Variants in UBE2E2 observed in about 807,000 individuals in gnomAD.
UBE2E2 encodes the protein ubiquitin conjugating enzyme E2 E2.
A neutral mutation model predicts 24.7 loss-of-function variants in UBE2E2; 6 were observed. That is an observed-to-expected ratio of 0.24 (90% CI 0.13 to 0.48). UBE2E2 has a LOEUF of 0.48. Among genes scored for constraint, UBE2E2 ranks in the 20% least tolerant of loss-of-function variants. The pLI, the probability that UBE2E2 is intolerant of heterozygous loss-of-function variation, is 0.99. For synonymous variants in UBE2E2, 104 were observed against 83.6 expected, an observed-to-expected ratio of 1.24 and a Z score of -1.33; for missense variants, 169 against 245.0, an observed-to-expected ratio of 0.69 and a Z score of 2.07.
intron 3 of UBE2E2, among the ~76,000 whole-genome samples, chr3:23,233,867 A>T (rs1697031723): frequency 6.6e-6 from 1 of 152,200 alleles, no homozygotes. Flanking sequence ...CACAGATGGT[A>T]TTTTGAATAT....
intron 3 of UBE2E2, among the ~76,000 whole-genome samples, chr3:23,283,472 C>T (rs1487587617): frequency 1.3e-5 from 2 of 152,080 alleles, no homozygotes; most frequent in Middle Eastern, 3.2e-3. Context: ...CAGTGGTTCA[C>T]GCCTGTAATC....
Position 23,512,108 on chromosome 3 carries a change from C to T in UBE2E2, c.360+12368C>T, listed in dbSNP as rs557395039. On this transcript the variant is annotated intron_variant, in intron 4 of 5. Transcript: ENST00000396703. Reference sequence around the variant, plus strand: ...AGTCCTGCAGCCCCTACTCTTCACACCTGAACCAACTGAGCTATGAAGTGA... The same window carrying T: ...AGTCCTGCAGCCCCTACTCTTCACATCTGAACCAACTGAGCTATGAAGTGA... Among the ~76,000 whole-genome samples the T allele has an allele frequency of 7.2e-5, 11 of 152,192 alleles. No homozygotes were observed. The East Asian group carries it at 7.7e-4, about 11-fold the overall frequency.
chr3:23,376,767 A>G (rs1056924752), intron 3 of UBE2E2, among the ~76,000 whole-genome samples: 3 of 152,208 alleles, frequency 2.0e-5, no homozygotes, highest in Non-Finnish European at 4.4e-5. Flanking sequence ...GAGAACATGT[A>G]GCTTGCCACA....
chr3:23,563,962 T>C (rs1695997576), intron 5 of UBE2E2, among the ~76,000 whole-genome samples: 1 of 110,022 alleles, frequency 9.1e-6, no homozygotes, highest in Non-Finnish European at 1.9e-5. Flanking sequence ...GATTTAAGCT[T>C]CCAAAAACAA....
At chr3:23,292,585 C>T (rs189764203) in intron 3 of UBE2E2, among the ~76,000 whole-genome samples, 1 of 152,274 alleles carries the variant, frequency 6.6e-6, no homozygotes, top group Non-Finnish European at 1.5e-5. Context: ...CAACAATTCT[C>T]AGTACTTCAT....
chr3:23,483,010 T>C (rs1699288966), intron 3 of UBE2E2, among the ~76,000 whole-genome samples: 2 of 152,230 alleles, frequency 1.3e-5, no homozygotes, highest in African/African-American at 4.8e-5. Context: ...ATAATAACTC[T>C]AATCTGTACT....
intron 3 of UBE2E2, among the ~76,000 whole-genome samples, chr3:23,355,282 T>C (rs2125325452): frequency 6.6e-6 from 1 of 151,954 alleles, no homozygotes; most frequent in Non-Finnish European, 1.5e-5. Context: ...TAATGCTACA[T>C]GACGAGTTAA....
chr3:23,561,747 T>A (rs1354350610), intron 5 of UBE2E2, among the ~76,000 whole-genome samples: 2 of 152,312 alleles, frequency 1.3e-5, no homozygotes, highest in East Asian at 3.9e-4. Context: ...TTTTATTTCA[T>A]TGAGCAGTGG....
chr3:23,293,294 C>T (rs193201893), intron 3 of UBE2E2, among the ~76,000 whole-genome samples: 5 of 152,326 alleles, frequency 3.3e-5, no homozygotes, highest in East Asian at 1.9e-4. Flanking sequence ...GTGATTCTTA[C>T]ATTTAATACA....
intron 3 of UBE2E2, among the ~76,000 whole-genome samples, chr3:23,492,698 A>G (rs575222377): frequency 1.1e-3 from 170 of 152,266 alleles, no homozygotes; most frequent in African/African-American, 4.0e-3. Context: ...AGACTTAACA[A>G]TATACATAGC....
At chr3:23,546,812 T>C (rs1369257117) in intron 5 of UBE2E2, among the ~76,000 whole-genome samples, 2 of 152,106 alleles carry the variant, frequency 1.3e-5, no homozygotes, top group Admixed American at 1.3e-4. Context: ...AAATTATCTT[T>C]TAATGAAGAT....
At chr3:23,555,681 T>C (rs929493610) in intron 5 of UBE2E2, among the ~76,000 whole-genome samples, 1 of 152,138 alleles carries the variant, frequency 6.6e-6, no homozygotes, top group Admixed American at 6.6e-5. Flanking sequence ...CACACGCACA[T>C]ACACAGAGCA....
chr3:23,542,753 C>T (rs2125493251), intron 5 of UBE2E2, among the ~76,000 whole-genome samples: 1 of 152,058 alleles, frequency 6.6e-6, no homozygotes, highest in East Asian at 1.9e-4. Context: ...TTATTTGAGG[C>T]TCTTTGCTCT....
At chr3:23,285,563 C>T (rs925080153) in intron 3 of UBE2E2, among the ~76,000 whole-genome samples, 1 of 152,158 alleles carries the variant, frequency 6.6e-6, no homozygotes, top group African/African-American at 2.4e-5. Context: ...GGATAAAAGT[C>T]ATTTTAACTG....
At chr3:23,240,187 C>T (rs1575495417) in intron 3 of UBE2E2, among the ~76,000 whole-genome samples, 1 of 152,318 alleles carries the variant, frequency 6.6e-6, no homozygotes, top group Non-Finnish European at 1.5e-5. Context: ...GGTAACTACG[C>T]TTTCTCATTT....
At chr3:23,249,653 AT>A (rs201067293) in intron 3 of UBE2E2, among the ~76,000 whole-genome samples, 37 of 148,570 alleles carry the variant, frequency 2.5e-4, no homozygotes, top group Admixed American at 2.7e-4. Context: ...ATTAACTCAG[AT>A]TTTTTTTTTT....
intron 3 of UBE2E2, among the ~76,000 whole-genome samples, chr3:23,469,375 A>T (rs1007952752): frequency 2.6e-5 from 4 of 152,196 alleles, no homozygotes; most frequent in Non-Finnish European, 4.4e-5. Flanking sequence ...CTCACTAGGG[A>T]TTCCTAACTT....
rs75552712 is a variant in UBE2E2, at chr3:23,529,157, A to G, written c.361-3397A>G. ...GGAATTGAAGTAAAGGGAGAAGGCA[A>G]CTATGGCTATCGCAGGGTACCATGA... On this transcript the variant is annotated intron_variant, in intron 4 of 5. Coordinates refer to ENST00000396703, the MANE Select transcript of UBE2E2 (RefSeq NM_152653.4). 8.1e-4 allele frequency among the ~76,000 whole-genome samples: 123 copies of G among 152,358 alleles called. 2 individuals carry two copies. The East Asian group carries it at 0.015, about 18-fold the overall frequency.
At chr3:23,328,662 C>CTTTTT (rs11433089) in intron 3 of UBE2E2, among the ~76,000 whole-genome samples, 9 of 145,428 alleles carry the variant, frequency 6.2e-5, no homozygotes, top group Admixed American at 6.9e-5. Context: ...CTCTCTCTCT[C>CTTTTT]TTTTTTTTTT....
Sources: allele counts gnomAD v4.1 joint callset (sites outside exome capture counted in the v4.1 genomes callset), GRCh38; gene constraint gnomAD v4.1.1; transcripts MANE v1.5; gene names NCBI Gene and HGNC (gene_info 2026-07-23, HGNC 2026-07-21).